LRTM3: variants seen among roughly 807,000 people sequenced by gnomAD.
LRTM3 encodes leucine-rich repeat transmembrane protein 3.
At chr13:102,747,856 T>A in the LRTM3 span, 1 of 1,551,334 alleles carries the variant, frequency 6.4e-7, no homozygotes, top group Non-Finnish European at 8.7e-7. Context: ...CTTTACTACT[T>A]CCTGAACTGA....
chr13:102,731,020 C>T, the LRTM3 span: 1 of 1,551,460 alleles, frequency 6.4e-7, no homozygotes, highest in South Asian at 1.2e-5. Context: ...TCATTTGTAT[C>T]TCCAATGTTT....
At chr13:102,735,208 C>T in the LRTM3 span, 2 of 1,551,298 alleles carry the variant, frequency 1.3e-6, no homozygotes, top group Non-Finnish European at 8.7e-7. Context: ...ATTTCTTTGC[C>T]TTCAAATACA....
At chr13:102,744,172 A>C in the LRTM3 span, 21 of 1,550,470 alleles carry the variant, frequency 1.4e-5, no homozygotes, top group Non-Finnish European at 1.7e-5. Flanking sequence ...TTTCTGTAGA[A>C]TATCTTATGA....
chr13:102,734,228 C>T, the LRTM3 span: 2 of 1,551,344 alleles, frequency 1.3e-6, no homozygotes, highest in South Asian at 2.4e-5. Context: ...TTTCTGTGAC[C>T]TATGTGGTTT....
the LRTM3 span, chr13:102,735,789 G>A: frequency 6.5e-7 from 1 of 1,542,668 alleles, no homozygotes; most frequent in Non-Finnish European, 8.8e-7. Flanking sequence ...AAACTGAATT[G>A]TGTTTTTCCT....
chr13:102,733,015 G>A, the LRTM3 span: 7 of 1,551,324 alleles, frequency 4.5e-6, no homozygotes, highest in Non-Finnish European at 6.1e-6. Flanking sequence ...CTTTTGCAGG[G>A]TCAATCTCTG....
At chr13:102,739,411 T>C in the LRTM3 span, 1 of 1,550,528 alleles carries the variant, frequency 6.4e-7, no homozygotes, top group Non-Finnish European at 8.7e-7. Flanking sequence ...TGGCATTTGA[T>C]GATGCCTGGA....
the LRTM3 span, chr13:102,750,461 G>A: frequency 1.2e-6 from 1 of 866,706 alleles, no homozygotes; most frequent in Non-Finnish European, 1.7e-6. Context: ...TTAGATTTAA[G>A]AAAATGCAGC....
the LRTM3 span, chr13:102,732,921 T>G: frequency 1.3e-6 from 2 of 1,551,472 alleles, no homozygotes; most frequent in Non-Finnish European, 1.7e-6. Flanking sequence ...AATTGAAAAG[T>G]CCAGGGAGGG....
the LRTM3 span, chr13:102,740,705 G>A: frequency 5.2e-6 from 8 of 1,548,062 alleles, no homozygotes; most frequent in Admixed American, 1.4e-4. Context: ...ATCTGTTTTG[G>A]AGTGAGATGC....
At chr13:102,748,741 T>C in the LRTM3 span, 15 of 1,549,734 alleles carry the variant, frequency 9.7e-6, no homozygotes, top group Admixed American at 2.0e-5. Context: ...TAAGAGATTC[T>C]TTACTCTTCC....
chr13:102,739,662 T>A, the LRTM3 span: 1 of 1,550,474 alleles, frequency 6.4e-7, no homozygotes, highest in South Asian at 1.2e-5. Flanking sequence ...TTCAAAATGA[T>A]GTTAGGGCTT....
At chr13:102,737,817 CT>C in the LRTM3 span, 1 of 1,550,852 alleles carries the variant, frequency 6.4e-7, no homozygotes, top group Non-Finnish European at 8.7e-7. Context: ...CTGATTATTC[CT>C]TGTTGGTCTT....
chr13:102,756,672 CTAAAAAA>C, the LRTM3 span, among the ~76,000 whole-genome samples: 5 of 17,934 alleles, frequency 2.8e-4, no homozygotes, highest in Admixed American at 4.6e-3. Context: ...AAAACTCTGT[CTAAAAAA>C]AAAAAAAAAA....
the LRTM3 span, chr13:102,731,540 T>C: frequency 1.9e-6 from 3 of 1,551,410 alleles, no homozygotes; most frequent in Admixed American, 5.9e-5. Context: ...ATCTGGACCC[T>C]CTGGAAAAGG....
chr13:102,739,927 A>G, the LRTM3 span: 1 of 1,550,352 alleles, frequency 6.5e-7, no homozygotes, highest in Non-Finnish European at 8.7e-7. Context: ...CACCACAGTC[A>G]CTGGTATTGA....
chr13:102,730,775 A>G, the LRTM3 span: 2 of 1,551,634 alleles, frequency 1.3e-6, no homozygotes, highest in South Asian at 2.4e-5. Flanking sequence ...ATGTTTGGGA[A>G]GTACATTTGG....
the LRTM3 span, chr13:102,734,267 T>C: frequency 1.3e-6 from 2 of 1,551,440 alleles, no homozygotes; most frequent in East Asian, 2.4e-5. Flanking sequence ...ACTCCTTGCC[T>C]CTGCATCTGC....
At chr13:102,750,382 G>A in the LRTM3 span, 4 of 1,474,288 alleles carry the variant, frequency 2.7e-6, no homozygotes, top group East Asian at 7.4e-5. Flanking sequence ...CTAAAAAGGT[G>A]CCAACTCTGA....
Sources: gnomAD v4.1 joint callset for allele counts (sites outside exome capture counted in the v4.1 genomes callset) on GRCh38, gnomAD v4.1.1 for gene constraint, MANE v1.5 for transcripts, NCBI Gene and HGNC (gene_info 2026-07-23, HGNC 2026-07-21) for gene names.